The following COL13A1 variants were observed in gnomAD, a reference collection of about 807,000 sequenced individuals.
COL13A1 encodes the protein collagen type XIII alpha 1 chain.
COL13A1 carries 89 observed loss-of-function variants against 130.9 expected under a neutral mutation model. That is an observed-to-expected ratio of 0.68 (90% CI 0.57 to 0.81). COL13A1 has a LOEUF of 0.81. Ranked by LOEUF, COL13A1 falls within the 30% of genes least tolerant of loss-of-function variation. The pLI, the probability that COL13A1 is intolerant of heterozygous loss-of-function variation, is 0.00. For missense variants in COL13A1, 879 were observed against 934.6 expected, an observed-to-expected ratio of 0.94 and a Z score of 0.78; for synonymous variants, 402 against 341.6, an observed-to-expected ratio of 1.18 and a Z score of -1.95.
At chr10:69,811,979 G>A (rs960212386) in intron 1 of COL13A1, among the ~76,000 whole-genome samples, 1 of 151,878 alleles carries the variant, frequency 6.6e-6, no homozygotes, top group African/African-American at 2.4e-5. Context: ...CTCCATCCCT[G>A]CCTGCCCTCC....
chr10:69,918,934 C>T, intron 19 of COL13A1, 128 bp from the exon 20 acceptor site: 1 of 1,059,966 alleles, frequency 9.4e-7, no homozygotes, highest in Non-Finnish European at 1.4e-6. Context: ...CAGAGAAGAG[C>T]CGGGGCTGGC....
intron 26 of COL13A1, 57 bp from the exon 27 acceptor site, chr10:69,927,030 C>A (rs1308903747): frequency 4.3e-6 from 7 of 1,612,406 alleles, no homozygotes; most frequent in Non-Finnish European, 5.9e-6. Flanking sequence ...GCAGTGAGAA[C>A]CTTCCACTTG....
chr10:69,821,888 G>C (rs937945889), intron 1 of COL13A1, among the ~76,000 whole-genome samples: 1 of 152,182 alleles, frequency 6.6e-6, no homozygotes, highest in East Asian at 1.9e-4. Context: ...ATATTTGGTG[G>C]AGGGGTGCAG....
rs754322634 is a variant in COL13A1, at chr10:69,956,996, C to T, written c.2146-8C>T. The stretch of plus-strand genomic sequence containing the variant: ...GTCTGAGCCCTCTGCCTTCCTTTCT[C>T]CTTGCAGGGCGAAGATGGCTTACCA... On this transcript the variant is annotated splice_region_variant and splice_polypyrimidine_tract_variant and intron_variant, in intron 39 of 40. Transcript: ENST00000645393. 6 of 1,613,420 alleles carry T rather than the reference C, an allele frequency of 3.7e-6. No homozygotes were observed. The highest frequency in any genetic ancestry group is 1.7e-5 in the Admixed American group (1 of 59,990).
rs1242524136 is a variant in COL13A1, at chr10:69,802,530, G to T, written c.107G>T (p.Gly36Val). The T allele has an allele frequency of 1.3e-6, 2 of 1,585,868 alleles. No homozygotes were observed. Among genetic ancestry groups the T allele is most frequent in the African/African-American group, 2.8e-5 (2 of 71,728 alleles). ...CTGGTGGCGGCGCGGGCGGAGCGCG[G>T]CGCACGGCTGCCGAGTCCAGGGTCG... The part of the protein sequence containing the change: ...VALVAARAER[G>V]ARLPSPGSCG... Residue 36 changes from glycine to valine, a missense_variant, in exon 1 of 41, where the codon GGC (glycine) becomes GTC (valine). Coordinates refer to ENST00000645393, the MANE Select transcript of COL13A1 (RefSeq NM_001368882.1).
At position 69,880,606 on chromosome 10, in the gene COL13A1, A is replaced by G. The variant is rs1030893307; in HGVS notation, c.513+53A>G. ...TGTTGGGGGGATGGGTGAGTTGATG[A>G]AAAGGGCTTTTAGGCTGGGGATGAG... On this transcript the variant is annotated intron_variant, in intron 7 of 40. Coordinates refer to ENST00000645393, the MANE Select transcript of COL13A1 (RefSeq NM_001368882.1). The G allele has an allele frequency of 6.3e-6, 10 of 1,584,912 alleles. No individual in the cohort carries two copies. In the Admixed American group the frequency reaches 1.2e-4, roughly 19 times the overall value.
chr10:69,889,487 C>T, intron 10 of COL13A1, 47 bp downstream of exon 10: 1 of 1,601,544 alleles, frequency 6.2e-7, no homozygotes, highest in Non-Finnish European at 8.5e-7. Flanking sequence ...GGGGGTTGGC[C>T]CAGCCTCACA....
intron 21 of COL13A1, among the ~76,000 whole-genome samples, chr10:69,920,184 G>A (rs1488362085): frequency 2.0e-5 from 3 of 152,214 alleles, no homozygotes; most frequent in African/African-American, 7.2e-5. Context: ...CCTGGGGCAG[G>A]TGCCAAGGAG....
chr10:69,817,566 G>A (rs144825568), intron 1 of COL13A1, among the ~76,000 whole-genome samples: 67 of 152,126 alleles, frequency 4.4e-4, no homozygotes, highest in African/African-American at 1.2e-3. Flanking sequence ...ATCAGTCGGC[G>A]AGGTTGTGTG....
At chr10:69,914,146 A>G (rs910559345) in intron 17 of COL13A1, among the ~76,000 whole-genome samples, 1 of 152,174 alleles carries the variant, frequency 6.6e-6, no homozygotes, top group African/African-American at 2.4e-5. Context: ...TGGAGACAGA[A>G]GCCCAGAGAC....
At chr10:69,840,767 G>A (rs779023283) in intron 2 of COL13A1, among the ~76,000 whole-genome samples, 1 of 152,148 alleles carries the variant, frequency 6.6e-6, no homozygotes, top group African/African-American at 2.4e-5. Context: ...CCCCTGAGAG[G>A]AAACCTGGGA....
chr10:69,884,067 A>G (rs1378921072), intron 7 of COL13A1, among the ~76,000 whole-genome samples: 1 of 152,264 alleles, frequency 6.6e-6, no homozygotes, highest in Non-Finnish European at 1.5e-5. Context: ...ACTCTTTCCC[A>G]GAAGGAAGAG....
chr10:69,846,584 TC>T (rs1853172888), intron 2 of COL13A1, among the ~76,000 whole-genome samples: 2 of 152,222 alleles, frequency 1.3e-5, no homozygotes, highest in South Asian at 4.1e-4. Context: ...TTCTGCTCTT[TC>T]CAAGCTTAGG....
In COL13A1 at chr10:69,899,622, C is replaced by A. The variant is rs570551268; in HGVS notation, c.750+860C>A. On this transcript the variant is annotated intron_variant, in intron 14 of 40. Coordinates refer to ENST00000645393, the MANE Select transcript of COL13A1 (RefSeq NM_001368882.1). ...TTGTGGAGGGAATGTAGTCCACAAC[C>A]CACATTGTGAGCAAGTGCTTCCTTC... Among the ~76,000 whole-genome samples the A allele has an allele frequency of 1.3e-4, 20 of 152,312 alleles. No individual in the cohort carries two copies. The East Asian group carries it at 2.3e-3, about 18-fold the overall frequency.
chr10:69,839,178 ATTCG>A (rs930223620), intron 2 of COL13A1, among the ~76,000 whole-genome samples: 2 of 152,104 alleles, frequency 1.3e-5, no homozygotes, highest in African/African-American at 2.4e-5. Context: ...TCATTCATTC[ATTCG>A]TTCGTTCGTT....
chr10:69,834,883 G>C (rs78775315), intron 2 of COL13A1, among the ~76,000 whole-genome samples: 5,897 of 152,266 alleles, frequency 0.039, 385 homozygotes, highest in African/African-American at 0.13. Flanking sequence ...TGAGCTTGTG[G>C]ACTTAGAGAA....
chr10:69,922,644 C>T, intron 22 of COL13A1, 64 bp from the exon 23 acceptor site: 1 of 1,235,934 alleles, frequency 8.1e-7, no homozygotes, highest in Non-Finnish European at 1.1e-6. Context: ...CCATAGTGTC[C>T]CTCCAGTGCT....
At chr10:69,921,513 C>A (rs1490805890) in intron 21 of COL13A1, among the ~76,000 whole-genome samples, 5 of 152,198 alleles carry the variant, frequency 3.3e-5, no homozygotes, top group African/African-American at 1.2e-4. Context: ...AAAGGAATTG[C>A]TTGCCCAACC....
intron 21 of COL13A1, among the ~76,000 whole-genome samples, chr10:69,921,061 G>C (rs1402796283): frequency 6.6e-6 from 1 of 152,168 alleles, no homozygotes; most frequent in Non-Finnish European, 1.5e-5. Context: ...AGGCTGGGTG[G>C]CTTGAGCAGA....
Sources: allele counts gnomAD v4.1 joint callset (sites outside exome capture counted in the v4.1 genomes callset), GRCh38; gene constraint gnomAD v4.1.1; transcripts MANE v1.5; gene names NCBI Gene and HGNC (gene_info 2026-07-23, HGNC 2026-07-21).